The following NPSR1 variants were observed in gnomAD, a reference collection of about 807,000 sequenced individuals.
NPSR1 encodes the protein neuropeptide S receptor 1.
NPSR1 carries 48 observed loss-of-function variants against 46.9 expected under a neutral mutation model. That is an observed-to-expected ratio of 1.02 (90% CI 0.81 to 1.30). NPSR1 has a LOEUF of 1.30. Among genes scored for constraint, NPSR1 ranks in the 50% most tolerant of loss-of-function variants. The probability of loss-of-function intolerance (pLI) is 0.00; values close to 1 mark genes in which losing one functional copy is unlikely to be tolerated. For synonymous variants in NPSR1, 176 were observed against 168.1 expected (o/e 1.05, Z -0.36); for missense variants, 450 against 449.5 (o/e 1.00, Z -0.01).
chr7:34,850,479 C>T (rs1420034898), downstream of NPSR1, among the ~76,000 whole-genome samples: 3 of 149,174 alleles, frequency 2.0e-5, no homozygotes, highest in Admixed American at 6.7e-5. Flanking sequence ...CGGCTCACTG[C>T]GAGCTCCACC....
chr7:34,856,779 G>T lies in NPSR1; in HGVS notation c.1025+8116G>T, dbSNP rs550175860. ...CTCGGGGAAGGGACCGCAAGTCATT[G>T]TTTTCTTCTTTGGTAAGTCTAGAAT... On this transcript the variant is annotated intron_variant, in intron 8 of 8. Coordinates refer to the NPSR1 transcript ENST00000359791. 6.2e-4 allele frequency among the ~76,000 whole-genome samples: 94 copies of T among 151,710 alleles called. 2 individuals carry two copies. Among genetic ancestry groups the T allele is most frequent in the African/African-American group, 2.0e-3 (84 of 41,058 alleles).
chr7:34,719,599 T>C (rs1783748667), intron 2 of NPSR1: 1 of 152,266 alleles, frequency 6.6e-6, no homozygotes, highest in Admixed American at 6.5e-5. Context: ...GGATTTTTCA[T>C]ACAGCTGGCA....
chr7:34,682,814 G>C (rs1204582998), intron 1 of NPSR1, among the ~76,000 whole-genome samples: 5 of 152,178 alleles, frequency 3.3e-5, no homozygotes, highest in Non-Finnish European at 7.3e-5. Flanking sequence ...AGAGAAATGA[G>C]TTATGCAGGA....
chr7:34,814,212 C>A (rs1192995686), intron 4 of NPSR1, among the ~76,000 whole-genome samples: 1 of 152,252 alleles, frequency 6.6e-6, no homozygotes, highest in Non-Finnish European at 1.5e-5. Flanking sequence ...CTGCACTTTT[C>A]CCAAGGATTT....
intron 3 of NPSR1, among the ~76,000 whole-genome samples, chr7:34,786,648 G>C (rs1054435976): frequency 1.3e-5 from 2 of 152,106 alleles, no homozygotes; most frequent in African/African-American, 4.8e-5. Flanking sequence ...AATAACACTG[G>C]AAAGTCAAAA....
chr7:34,692,671 A>G (rs1793325956), intron 2 of NPSR1, among the ~76,000 whole-genome samples: 1 of 152,184 alleles, frequency 6.6e-6, no homozygotes, highest in Non-Finnish European at 1.5e-5. Context: ...CCAAATCCAA[A>G]GTAAGCAGAA....
chr7:34,803,993 GAATT>G (rs1160558098), intron 3 of NPSR1, among the ~76,000 whole-genome samples: 1 of 151,672 alleles, frequency 6.6e-6, no homozygotes, highest in Non-Finnish European at 1.5e-5. Context: ...TAAAGAAACT[GAATT>G]AATAATTAAT....
chr7:34,855,184 CTA>C lies in NPSR1; in HGVS notation c.1025+6523_1025+6524del, dbSNP rs1311190103. On this transcript the variant is annotated intron_variant, in intron 8 of 8. Coordinates refer to the NPSR1 transcript ENST00000359791. ...GATTAAAAATCAATAAACAAATTAT[CTA>C]TCTTATGAAGTTAGAAACATTTACC... 3.9e-5 allele frequency among the ~76,000 whole-genome samples: 6 copies of C among 152,064 alleles called. No individual in the cohort carries two copies. In the East Asian group the frequency reaches 1.2e-3, roughly 29 times the overall value.
At position 34,862,005 on chromosome 7, in the gene NPSR1, C is replaced by T. The variant is rs1358875614; in HGVS notation, c.1025+13342C>T. 2.6e-5 allele frequency among the ~76,000 whole-genome samples: 4 copies of T among 151,858 alleles called. No homozygotes were observed. In the East Asian group the frequency reaches 7.7e-4, roughly 29 times the overall value. On this transcript the variant is annotated intron_variant, in intron 8 of 8. Transcript: ENST00000359791. Reference sequence around the variant, plus strand: ...CAGAAATTCCAGCAAGAGCATTCTGCTCCCTCTTCAACAGGCACTCCCCCA... The same window carrying T: ...CAGAAATTCCAGCAAGAGCATTCTGTTCCCTCTTCAACAGGCACTCCCCCA...
Position 34,684,644 on chromosome 7 carries a change from G to A in NPSR1, c.240G>A (p.Lys80=), listed in dbSNP as rs373297591. Residue 80 remains lysine, a synonymous_variant, in exon 2 of 9, where the codon AAG becomes AAA. Transcript: ENST00000360581. ...VLFSTWRRKK[K]SRMTFFVTQL... Reference sequence around the variant, plus strand: ...TTTCCACATGGAGGAGAAAGAAGAAGTCAAGAATGACCTTCTTTGTGACTC... The same window carrying A: ...TTTCCACATGGAGGAGAAAGAAGAAATCAAGAATGACCTTCTTTGTGACTC... The A allele has an allele frequency of 6.2e-7, 1 of 1,613,618 alleles. No homozygotes were observed. The highest frequency in any genetic ancestry group is 2.2e-5 in the East Asian group (1 of 44,834).
intron 3 of NPSR1, among the ~76,000 whole-genome samples, chr7:34,791,145 A>AATATGTT (rs1787832422): frequency 1.4e-5 from 1 of 73,924 alleles, no homozygotes; most frequent in Non-Finnish European, 2.6e-5. Flanking sequence ...TATTATATAT[A>AATATGTT]ATATGTTATA....
intron 2 of NPSR1, among the ~76,000 whole-genome samples, chr7:34,691,449 A>G (rs1164895286): frequency 1.3e-5 from 2 of 152,170 alleles, no homozygotes; most frequent in African/African-American, 4.8e-5. Flanking sequence ...AGACTCAACT[A>G]TCTGCTACCT....
chr7:34,862,119 T>C (rs1791203158), intron 8 of NPSR1, among the ~76,000 whole-genome samples: 1 of 151,782 alleles, frequency 6.6e-6, no homozygotes, highest in Non-Finnish European at 1.5e-5. Flanking sequence ...GATGGTGGGG[T>C]GAGTACTTTG....
In NPSR1 at chr7:34,746,313, A is replaced by C. The variant is rs542495922; in HGVS notation, c.281-32149A>C. Reference sequence around the variant, plus strand: ...CCATGGTTTCAGTTAATAGTGCAATAGAGTAAGATATTTTGAGAGAGAATG... The same window carrying C: ...CCATGGTTTCAGTTAATAGTGCAATCGAGTAAGATATTTTGAGAGAGAATG... On this transcript the variant is annotated intron_variant, in intron 2 of 8. Coordinates refer to ENST00000360581, the MANE Select transcript of NPSR1 (RefSeq NM_207172.2). Among the ~76,000 whole-genome samples, 38 of 152,344 alleles carry C rather than the reference A, an allele frequency of 2.5e-4. No individual in the cohort carries two copies. The East Asian group carries it at 4.4e-3, about 18-fold the overall frequency.
chr7:34,779,639 T>C, intron 3 of NPSR1: 2 of 1,158,796 alleles, frequency 1.7e-6, no homozygotes, highest in Non-Finnish European at 2.2e-6. Flanking sequence ...GTTTGGTATG[T>C]CTGAAAGAGC....
intron 3 of NPSR1, among the ~76,000 whole-genome samples, chr7:34,799,063 A>G (rs943814547): frequency 1.3e-5 from 2 of 152,138 alleles, no homozygotes; most frequent in African/African-American, 4.8e-5. Context: ...AAGAAAAGAA[A>G]TGTAGGCCTA....
chr7:34,796,146 A>C (rs1447598978), intron 3 of NPSR1, among the ~76,000 whole-genome samples: 1 of 152,154 alleles, frequency 6.6e-6, no homozygotes. Flanking sequence ...AATGGAGAAA[A>C]GGTCATAATT....
chr7:34,660,771 A>G (rs1294718552), intron 1 of NPSR1, among the ~76,000 whole-genome samples: 2 of 152,026 alleles, frequency 1.3e-5, no homozygotes, highest in Admixed American at 6.6e-5. Flanking sequence ...CCTGCCTTCC[A>G]TCTTCATCTG....
Position 34,848,582 on chromosome 7 carries a change from T to A in NPSR1, c.944T>A (p.Ile315Asn), listed in dbSNP as rs10270766. The A allele has an allele frequency of 6.2e-7, 1 of 1,614,086 alleles. No individual in the cohort carries two copies. The highest frequency in any genetic ancestry group is 8.5e-7 in the Non-Finnish European group (1 of 1,180,030). ...GAGCGTTTCTATGCCTCTGTGATCA[T>A]TCAGAACCTGCCAGCATTGAATAGT... ...TQERFYASVI[I>N]QNLPALNSAI... The change falls in exon 8 of 9, where the codon ATT becomes AAT. Residue 315 changes from isoleucine to asparagine, a missense_variant. Ile to Asn is a moderately radical substitution (Grantham distance 149). Coordinates refer to ENST00000360581, the MANE Select transcript of NPSR1 (RefSeq NM_207172.2).
Sources: gnomAD v4.1 joint callset for allele counts (sites outside exome capture counted in the v4.1 genomes callset) on GRCh38, gnomAD v4.1.1 for gene constraint, MANE v1.5 for transcripts, NCBI Gene and HGNC (gene_info 2026-07-23, HGNC 2026-07-21) for gene names.